Variants in UACA observed in about 807,000 individuals in gnomAD.
UACA encodes the protein uveal autoantigen with coiled-coil domains and ankyrin repeats, also known as nuclear membrane binding protein.
In UACA, 112 loss-of-function variants were observed where a neutral mutation model predicts 160.5. The ratio of observed to expected loss-of-function variants is 0.70; its 90% CI spans 0.60 to 0.82. UACA has a LOEUF of 0.82. Among genes scored for constraint, UACA ranks in the 40% least tolerant of loss-of-function variants. The pLI is 0.00. For missense variants in UACA, 1,574 were observed against 1,614.6 expected (o/e 0.97, Z 0.43); for synonymous variants, 557 against 568.4 (o/e 0.98, Z 0.29).
At chr15:70,729,392 G>C (rs1356509881) in intron 1 of UACA, among the ~76,000 whole-genome samples, 1 of 152,166 alleles carries the variant, frequency 6.6e-6, no homozygotes, top group Non-Finnish European at 1.5e-5. Flanking sequence ...CTGCAGCTTG[G>C]ATGCAATCAG....
rs1016356795 is a variant in UACA at position 70,662,648 on chromosome 15, T to C, written c.4113+2014A>G. On this transcript the variant is annotated intron_variant, in intron 17 of 18. Transcript: ENST00000322954. ...TACAGTAACCAAAACAGCATGCTAC[T>C]GGTACCAAAACAGAGATACAGACCA... Among the ~76,000 whole-genome samples, 10 of 152,174 alleles carry C rather than the reference T, an allele frequency of 6.6e-5. No individual in the cohort carries two copies. In the South Asian group the frequency reaches 8.3e-4, roughly 13 times the overall value.
chr15:70,760,171 AAAGT>A (rs760507912), intron 1 of UACA, among the ~76,000 whole-genome samples: 2 of 152,216 alleles, frequency 1.3e-5, no homozygotes, highest in African/African-American at 2.4e-5. Flanking sequence ...GAAAGAGAAG[AAAGT>A]AAGATGTACT....
At chr15:70,765,222 A>T (rs1204155079), upstream of UACA, among the ~76,000 whole-genome samples, 1 of 152,066 alleles carries the variant, frequency 6.6e-6, no homozygotes, top group Non-Finnish European at 1.5e-5. Context: ...GTCTACATTC[A>T]TCTCAGAAAA....
chr15:70,719,470 G>A (rs1216310828), intron 1 of UACA, among the ~76,000 whole-genome samples: 2 of 152,174 alleles, frequency 1.3e-5, no homozygotes, highest in Non-Finnish European at 2.9e-5. Flanking sequence ...CAAGATACCT[G>A]TACTGAAAAC....
chr15:70,723,187 C>T (rs766120680), intron 1 of UACA, among the ~76,000 whole-genome samples: 8 of 152,176 alleles, frequency 5.3e-5, no homozygotes, highest in South Asian at 2.1e-4. Flanking sequence ...AAATGCTCCA[C>T]AGTACTGACA....
At chr15:70,769,821 A>AC in the UACA span, among the ~76,000 whole-genome samples, 1 of 152,020 alleles carries the variant, frequency 6.6e-6, no homozygotes, top group Non-Finnish European at 1.5e-5. Context: ...ATATGGTGAA[A>AC]CCCCATCTCT....
the UACA span, among the ~76,000 whole-genome samples, chr15:70,769,635 T>A: frequency 2.6e-5 from 4 of 152,136 alleles, no homozygotes; most frequent in African/African-American, 7.2e-5. Flanking sequence ...TCAAATATCC[T>A]TATAAATTAA....
At chr15:70,672,812 G>A (rs942594714) in intron 13 of UACA, among the ~76,000 whole-genome samples, 1 of 151,832 alleles carries the variant, frequency 6.6e-6, no homozygotes, top group Non-Finnish European at 1.5e-5. Context: ...ATACAAGAAC[G>A]AGCTGGGTGC....
the UACA span, among the ~76,000 whole-genome samples, chr15:70,774,545 C>CAAA: frequency 4.9e-5 from 4 of 82,466 alleles, no homozygotes; most frequent in East Asian, 1.2e-3. Flanking sequence ...GACTCTGTCT[C>CAAA]AAAAAAAAAA....
At chr15:70,778,128 GAGCTCAAGGC>G in the UACA span, among the ~76,000 whole-genome samples, 16 of 151,898 alleles carry the variant, frequency 1.1e-4, no homozygotes, top group South Asian at 3.3e-3. Context: ...CTGAGCCCAG[GAGCTCAAGGC>G]TGCAGTGAGC....
chr15:70,691,175 T>G (rs917922317), intron 4 of UACA, 124 bp downstream of exon 4: 1 of 606,024 alleles, frequency 1.7e-6, no homozygotes, highest in Non-Finnish European at 2.8e-6. Context: ...GGAAAAAATA[T>G]GTAAGCTCAT....
chr15:70,722,911 C>A (rs1410980591), intron 1 of UACA, among the ~76,000 whole-genome samples: 1 of 152,058 alleles, frequency 6.6e-6, no homozygotes, highest in Non-Finnish European at 1.5e-5. Context: ...CTTATCATTA[C>A]TAAAAACATC....
chr15:70,702,404 A>G (rs1724612109), intron 1 of UACA: 3 of 737,342 alleles, frequency 4.1e-6, no homozygotes, highest in African/African-American at 3.8e-5. Context: ...TGACAGCTGA[A>G]TGATAGAAAG....
At chr15:70,724,919 CAAA>C (rs747331527) in intron 1 of UACA, among the ~76,000 whole-genome samples, 2 of 88,734 alleles carry the variant, frequency 2.3e-5, no homozygotes, top group African/African-American at 8.3e-5. Context: ...TCTGTCTCTA[CAAA>C]AAAAAAAAAA....
chr15:70,747,613 T>C (rs1190115559), intron 1 of UACA, among the ~76,000 whole-genome samples: 2 of 152,158 alleles, frequency 1.3e-5, no homozygotes, highest in East Asian at 1.9e-4. Context: ...CAATCTCTGG[T>C]AGGGTAGAAA....
chr15:70,662,149 C>T (rs902551937), intron 17 of UACA, among the ~76,000 whole-genome samples: 1 of 152,192 alleles, frequency 6.6e-6, no homozygotes, highest in Non-Finnish European at 1.5e-5. Context: ...AGCTGATAAG[C>T]AACTTGAGCA....
intron 1 of UACA, among the ~76,000 whole-genome samples, chr15:70,712,406 T>G (rs1258367596): frequency 2.0e-5 from 3 of 152,130 alleles, no homozygotes; most frequent in Non-Finnish European, 4.4e-5. Context: ...TCCTAAATGG[T>G]TTGTTCTCGT....
At chr15:70,718,380 T>C (rs984730106) in intron 1 of UACA, among the ~76,000 whole-genome samples, 6 of 106,744 alleles carry the variant, frequency 5.6e-5, no homozygotes, top group African/African-American at 2.0e-4. Context: ...GTGTTAGGAG[T>C]TGACATCCCT....
At chr15:70,708,493 TTC>T (rs1454249249) in intron 1 of UACA, among the ~76,000 whole-genome samples, 1 of 151,682 alleles carries the variant, frequency 6.6e-6, no homozygotes, top group East Asian at 1.9e-4. Flanking sequence ...ACGGAGTTTG[TTC>T]TGTCACCCAG....
Sources: gnomAD v4.1 joint callset for allele counts (sites outside exome capture counted in the v4.1 genomes callset) on GRCh38, gnomAD v4.1.1 for gene constraint, MANE v1.5 for transcripts, NCBI Gene and HGNC (gene_info 2026-07-23, HGNC 2026-07-21) for gene names.